The following NRG1 variants were observed in gnomAD, a reference collection of about 807,000 sequenced individuals.
NRG1 encodes pro-neuregulin-1, membrane-bound isoform.
In NRG1, 18 loss-of-function variants were observed where a neutral mutation model predicts 63.8. The observed-to-expected ratio is 0.28, with a 90% confidence interval of 0.19 to 0.42. The LOEUF (loss-of-function observed/expected upper bound fraction) is 0.42, where lower values mean the gene tolerates loss of function less well. NRG1 is among the 10% of genes least tolerant of loss of function. The pLI is 1.00. For missense variants in NRG1, 762 were observed against 814.7 expected, an observed-to-expected ratio of 0.94 and a Z score of 0.79; for synonymous variants, 302 against 301.3, an observed-to-expected ratio of 1.00 and a Z score of -0.02.
At chr8:32,423,966 G>A (rs1042121502) in intron 1 of NRG1, among the ~76,000 whole-genome samples, 4 of 152,098 alleles carry the variant, frequency 2.6e-5, no homozygotes, top group African/African-American at 9.7e-5. Context: ...GCCGATATTT[G>A]GAAAGTCCTT....
At chr8:32,582,091 A>G (rs201735639) in intron 1 of NRG1, among the ~76,000 whole-genome samples, 4 of 116,816 alleles carry the variant, frequency 3.4e-5, no homozygotes, top group African/African-American at 1.3e-4. Context: ...ATTTTATTTT[A>G]TTTTGTTTTG....
intron 1 of NRG1, among the ~76,000 whole-genome samples, chr8:32,001,984 A>G (rs139448536): frequency 4.9e-4 from 74 of 152,142 alleles, no homozygotes; most frequent in African/African-American, 1.8e-3. Flanking sequence ...GTCAGGAATT[A>G]CTGTCCACCC....
At chr8:32,629,568 T>C (rs1013450760) in intron 5 of NRG1, among the ~76,000 whole-genome samples, 1 of 152,236 alleles carries the variant, frequency 6.6e-6, no homozygotes, top group African/African-American at 2.4e-5. Flanking sequence ...GATATTTAAG[T>C]ATTTTAAAAT....
intron 1 of NRG1, among the ~76,000 whole-genome samples, chr8:32,508,558 A>G (rs893014998): frequency 6.6e-6 from 1 of 151,808 alleles, no homozygotes; most frequent in African/African-American, 2.4e-5. Context: ...CAGCCTCCCA[A>G]AGTTCTGGGA....
intron 5 of NRG1, among the ~76,000 whole-genome samples, chr8:32,622,201 A>C (rs1848462125): frequency 6.6e-6 from 1 of 152,160 alleles, no homozygotes; most frequent in African/African-American, 2.4e-5. Flanking sequence ...CAAATTGATC[A>C]TTTGAGCCCA....
At chr8:32,350,224 T>C (rs1423174819) in intron 1 of NRG1, among the ~76,000 whole-genome samples, 1 of 152,178 alleles carries the variant, frequency 6.6e-6, no homozygotes, top group Admixed American at 6.6e-5. Flanking sequence ...TAATAAATTG[T>C]AAGAAAGCAC....
chr8:31,832,258 T>G (rs540474192), intron 1 of NRG1, among the ~76,000 whole-genome samples: 3 of 151,762 alleles, frequency 2.0e-5, no homozygotes, highest in African/African-American at 7.2e-5. Context: ...AGTTTTTTTT[T>G]TTTTTTTTTC....
intron 1 of NRG1, among the ~76,000 whole-genome samples, chr8:32,413,074 G>A (rs1312880192): frequency 1.3e-5 from 2 of 152,104 alleles, no homozygotes; most frequent in African/African-American, 4.8e-5. Flanking sequence ...TCTCCTAATT[G>A]TGTCCCAAAA....
At chr8:32,710,890 C>T (rs1159443111) in intron 5 of NRG1, among the ~76,000 whole-genome samples, 1 of 152,088 alleles carries the variant, frequency 6.6e-6, no homozygotes, top group Non-Finnish European at 1.5e-5. Context: ...GAGCGTTTTC[C>T]GTGAATGAAA....
chr8:31,792,937 C>T (rs1013124194), intron 1 of NRG1, among the ~76,000 whole-genome samples: 1 of 152,228 alleles, frequency 6.6e-6, no homozygotes, highest in African/African-American at 2.4e-5. Context: ...AAGCCCTACT[C>T]ATGTTTCTAA....
chr8:32,624,188 A>T (rs1848801684), intron 5 of NRG1, among the ~76,000 whole-genome samples: 1 of 152,254 alleles, frequency 6.6e-6, no homozygotes, highest in East Asian at 1.9e-4. Context: ...TCTACTCCTT[A>T]TCTAAACAGC....
At chr8:32,025,280 A>G (rs116463578) in intron 1 of NRG1, among the ~76,000 whole-genome samples, 1,955 of 152,256 alleles carry the variant, frequency 0.013, 41 homozygotes, top group African/African-American at 0.045. Flanking sequence ...CAATGCATCA[A>G]ACTAGTAAGA....
intron 1 of NRG1, among the ~76,000 whole-genome samples, chr8:32,455,619 T>A (rs1158196305): frequency 6.6e-6 from 1 of 152,186 alleles, no homozygotes; most frequent in Non-Finnish European, 1.5e-5. Context: ...GTCAAAATAT[T>A]TTTAAAAAAT....
chr8:32,443,522 C>T (rs1819825246), intron 1 of NRG1, among the ~76,000 whole-genome samples: 1 of 152,088 alleles, frequency 6.6e-6, no homozygotes, highest in Non-Finnish European at 1.5e-5. Flanking sequence ...GATGCTAGGA[C>T]AAGTGGCAGC....
At chr8:32,544,679 C>CTTTTTTTTTTTTTTTT (rs755780220), upstream of NRG1, among the ~76,000 whole-genome samples, 2 of 80,434 alleles carry the variant, frequency 2.5e-5, no homozygotes, top group Non-Finnish European at 4.5e-5. Context: ...ATTTTTGTAT[C>CTTTTTTTTTTTTTTTT]TTTTTTTTTT....
chr8:31,854,969 C>G (rs1827690566), intron 1 of NRG1, among the ~76,000 whole-genome samples: 1 of 152,142 alleles, frequency 6.6e-6, no homozygotes, highest in Non-Finnish European at 1.5e-5. Flanking sequence ...GCACTGTGAT[C>G]TGAGAGATAG....
intron 1 of NRG1, among the ~76,000 whole-genome samples, chr8:32,418,901 T>C (rs1816308645): frequency 6.6e-6 from 1 of 152,230 alleles, no homozygotes; most frequent in South Asian, 2.1e-4. Flanking sequence ...ATTTTCTGGA[T>C]TCTGAGATAT....
chr8:31,680,857 A>G (rs1297426731), intron 1 of NRG1, among the ~76,000 whole-genome samples: 1 of 152,164 alleles, frequency 6.6e-6, no homozygotes, highest in Non-Finnish European at 1.5e-5. Flanking sequence ...CTCACCATGG[A>G]CCATGCAAGC....
chr8:32,647,094 T>C, intron 5 of NRG1: 2 of 985,332 alleles, frequency 2.0e-6, no homozygotes, highest in Non-Finnish European at 2.4e-6. Context: ...GCTGCACTCT[T>C]GCCTCCGGAG....
Sources: allele counts gnomAD v4.1 joint callset (sites outside exome capture counted in the v4.1 genomes callset), GRCh38; gene constraint gnomAD v4.1.1; transcripts MANE v1.5; gene names NCBI Gene and HGNC (gene_info 2026-07-23, HGNC 2026-07-21).